THAP8: variants seen among roughly 807,000 people sequenced by gnomAD.
The protein encoded by THAP8 is THAP domain-containing protein 8.
THAP8 carries 24 observed loss-of-function variants against 25.0 expected under a neutral mutation model. That is an observed-to-expected ratio of 0.96 (90% confidence interval 0.69 to 1.35). The LOEUF (loss-of-function observed/expected upper bound fraction) is 1.35. Ranked by LOEUF, THAP8 falls within the 40% of genes most tolerant of loss-of-function variation. THAP8 has a pLI of 0.00. For missense variants in THAP8, 399 were observed against 368.8 expected (o/e 1.08, Z -0.67); for synonymous variants, 169 against 157.6 (o/e 1.07, Z -0.54).
chr19:36,038,973 A>G (rs969180088), intron 3 of THAP8, among the ~76,000 whole-genome samples: 1 of 152,244 alleles, frequency 6.6e-6, no homozygotes, highest in Non-Finnish European at 1.5e-5. Flanking sequence ...TTAAGTATTT[A>G]GTATTAGTAA....
chr19:36,042,021 G>A (rs1043389647), intron 1 of THAP8, among the ~76,000 whole-genome samples: 18 of 151,856 alleles, frequency 1.2e-4, no homozygotes, highest in Admixed American at 2.0e-4. Flanking sequence ...GAATTTGAAC[G>A]CTGCAGTGAG....
intron 3 of THAP8, among the ~76,000 whole-genome samples, chr19:36,038,545 A>AT (rs1969560254): frequency 1.3e-5 from 2 of 152,032 alleles, no homozygotes; most frequent in Non-Finnish European, 2.9e-5. Flanking sequence ...GAGCCACTGC[A>AT]TTTTTTAAAA....
In THAP8 at chr19:36,039,336, C is replaced by A. The variant is rs1326746800; in HGVS notation, c.659G>T (p.Gly220Val). ...GESLLARARRGLQRLTTAQTL... is the reference protein window; with the variant it reads ...GESLLARARRVLQRLTTAQTL... ...GGTGCCACTCACCAGGCGCTGCAGA[C>A]CCCGGCGTGCCCGTGCCAGCAGGCT... is the stretch of plus-strand genomic sequence containing the variant. The change falls in exon 3 of 4, where the codon GGT becomes GTT. Residue 220 changes from glycine to valine, a missense_variant. Transcript: ENST00000292894. The A allele has an allele frequency of 2.6e-6, 4 of 1,510,838 alleles. No individual in the cohort carries two copies. Among genetic ancestry groups the A allele is most frequent in the South Asian group, 1.2e-5 (1 of 80,248 alleles). 93.6% of individuals were successfully genotyped at this position (1,510,838 alleles called of 1,614,324 possible).
In THAP8 at chr19:36,038,987, G is replaced by C. The variant is rs761697391; in HGVS notation, c.672+336C>G. Among the ~76,000 whole-genome samples the C allele has an allele frequency of 2.6e-5, 4 of 152,184 alleles. No individual in the cohort carries two copies. The South Asian group carries it at 6.2e-4, about 24-fold the overall frequency. On this transcript the variant is annotated intron_variant, in intron 3 of 3. Coordinates refer to ENST00000292894, the MANE Select transcript of THAP8 (RefSeq NM_152658.3). ...ATTAAGTATTTAGTATTAGTAAATG[G>C]AGCAATCATTACTCAGCTCCAACCA...
At chr19:36,045,003 C>CT (rs1969825709) in intron 1 of THAP8, among the ~76,000 whole-genome samples, 2 of 152,350 alleles carry the variant, frequency 1.3e-5, no homozygotes, top group East Asian at 3.9e-4. Flanking sequence ...ACTATCTCAG[C>CT]TTTTAGTCAT....
upstream of THAP8, chr19:36,054,399 A>G (rs781101725): frequency 4.1e-4 from 279 of 684,492 alleles, no homozygotes; most frequent in Non-Finnish European, 5.7e-4. Context: ...CCACAGTGCC[A>G]CAGTCCCGCC....
At chr19:36,047,351 G>C (rs770557767) in intron 1 of THAP8, among the ~76,000 whole-genome samples, 15 of 152,138 alleles carry the variant, frequency 9.9e-5, no homozygotes, top group Admixed American at 5.2e-4. Context: ...GCCATTGAAC[G>C]GGGTTTCTGG....
rs144592673 is a variant in THAP8, at chr19:36,043,334, T to C, written c.84-3198A>G. ...AGTCAAATACTGACGATTTCACTTATATGAGGTAGAACAGTCAAATTCCTA... is the reference window on the plus strand; with the variant it reads ...AGTCAAATACTGACGATTTCACTTACATGAGGTAGAACAGTCAAATTCCTA... On this transcript the variant is annotated intron_variant, in intron 1 of 3. Coordinates refer to ENST00000292894, the MANE Select transcript of THAP8 (RefSeq NM_152658.3). Among the ~76,000 whole-genome samples, 92 of 152,256 alleles carry C rather than the reference T, an allele frequency of 6.0e-4. 1 individual carries two copies. In the East Asian group the frequency reaches 0.014, roughly 23 times the overall value.
At chr19:36,042,784 G>A (rs1466959121) in intron 1 of THAP8, among the ~76,000 whole-genome samples, 1 of 152,084 alleles carries the variant, frequency 6.6e-6, no homozygotes, top group Non-Finnish European at 1.5e-5. Context: ...GGGGGAGGGA[G>A]GAGATGCAGT....
At chr19:36,053,104 G>A (rs1013258011) in intron 1 of THAP8, among the ~76,000 whole-genome samples, 4 of 151,624 alleles carry the variant, frequency 2.6e-5, no homozygotes, top group African/African-American at 7.3e-5. Flanking sequence ...TCTCACTCTT[G>A]TTGCCCACGC....
At position 36,035,545 on chromosome 19, in the gene THAP8, G is replaced by C. The variant is rs1328201072; in HGVS notation, c.720C>G (p.Ile240Met). 6.2e-7 allele frequency: 1 copy of C among 1,614,172 alleles called. No individual in the cohort carries two copies. The highest frequency in any genetic ancestry group is 8.5e-7 in the Non-Finnish European group (1 of 1,180,026). ...LGPEESQTFTIICGGPDIAMV... is the reference protein window; with the variant it reads ...LGPEESQTFTMICGGPDIAMV... Reference sequence around the variant, plus strand: ...TGGCTATGTCAGGCCCTCCACAGATGATGGTGAAGGTTTGGGATTCCTCAG... The same window carrying C: ...TGGCTATGTCAGGCCCTCCACAGATCATGGTGAAGGTTTGGGATTCCTCAG... The change falls in exon 4 of 4, where the codon ATC (isoleucine) becomes ATG (methionine). Residue 240 changes from isoleucine (I) to methionine (M), a missense_variant. Transcript: ENST00000292894.
intron 3 of THAP8, among the ~76,000 whole-genome samples, chr19:36,035,865 C>T (rs141734167): frequency 7.6e-4 from 115 of 151,496 alleles, no homozygotes; most frequent in Non-Finnish European, 1.3e-3. Flanking sequence ...GGCAGACAGA[C>T]GTACAGACAG....
chr19:36,038,311 G>C (rs1210902572), intron 3 of THAP8, among the ~76,000 whole-genome samples: 2 of 152,046 alleles, frequency 1.3e-5, no homozygotes, highest in Non-Finnish European at 2.9e-5. Flanking sequence ...ACCCGGGCTA[G>C]AGTGCAGTGG....
Position 36,039,592 on chromosome 19 carries a change from G to A in THAP8, c.403C>T (p.Pro135Ser). ...SGPVRLVVLG[P>S]TSGSPKTVAT... is the part of the protein sequence containing the mutation. ...ACAGTCTTGGGGCTCCCCGATGTGG[G>A]GCCCAGCACCACTAGGCGCACTGGG... The change falls in exon 3 of 4, where the codon CCC (proline) becomes TCC (serine). Residue 135 changes from proline (P) to serine (S), a missense_variant. Physicochemically the swap from Pro to Ser is moderately conservative, Grantham distance 74 (BLOSUM62 -1). Coordinates refer to ENST00000292894, the MANE Select transcript of THAP8 (RefSeq NM_152658.3). 6.6e-7 allele frequency: 1 copy of A among 1,511,608 alleles called. No homozygotes were observed. Among genetic ancestry groups the A allele is most frequent in the Non-Finnish European group, 8.9e-7 (1 of 1,125,598 alleles). 93.6% of individuals were successfully genotyped at this position (1,511,608 alleles called of 1,614,324 possible). A position where few individuals can be genotyped will look rare whatever the true frequency, so the allele number is the denominator to read the frequency against.
At chr19:36,054,305 TCGC>T, upstream of THAP8, 1 of 1,469,854 alleles carries the variant, frequency 6.8e-7, no homozygotes. Context: ...CCACCCGCGC[TCGC>T]CGCCTGCCTC....
At chr19:36,053,775 GA>G (rs1368886395) in intron 1 of THAP8, among the ~76,000 whole-genome samples, 1 of 152,132 alleles carries the variant, frequency 6.6e-6, no homozygotes, top group African/African-American at 2.4e-5. Flanking sequence ...AGGTTTTGGG[GA>G]GACACGATCG....
At chr19:36,044,866 G>T (rs1969820860) in intron 1 of THAP8, among the ~76,000 whole-genome samples, 1 of 151,906 alleles carries the variant, frequency 6.6e-6, no homozygotes, top group South Asian at 2.1e-4. Context: ...CAGGAGAGAG[G>T]GTAAACATAG....
rs200887989 is a variant in THAP8, at chr19:36,049,651, TA to T, written c.83+4483del. 7.2e-4 allele frequency among the ~76,000 whole-genome samples: 100 copies of T among 139,614 alleles called. No individual in the cohort carries two copies. In the East Asian group the frequency reaches 0.021, roughly 29 times the overall value. The allele number at this position is 139,614 out of a possible 152,430, so 91.6% of individuals were successfully genotyped here. A position where few individuals can be genotyped will look rare whatever the true frequency, so the allele number is the denominator to read the frequency against. On this transcript the variant is annotated intron_variant, in intron 1 of 3. Transcript: ENST00000292894. Reference sequence around the variant, plus strand: ...TTTTTATACAGTCATCTGGCTGCTATATACAGTCGTCATCATTTTCCTCCTT... The same window carrying T: ...TTTTTATACAGTCATCTGGCTGCTATTACAGTCGTCATCATTTTCCTCCTT...
chr19:36,035,489 G>C lies in THAP8; in HGVS notation c.776C>G (p.Thr259Arg), dbSNP rs779675630. 2 of 1,614,204 alleles carry C rather than the reference G, an allele frequency of 1.2e-6. No individual in the cohort carries two copies. Among genetic ancestry groups the C allele is most frequent in the South Asian group, 2.2e-5 (2 of 91,080 alleles). The part of the protein sequence containing the change: ...MVLAQDPAPA[T>R]VDAKPELLDT... ...CAGGAGCTCCGGCTTGGCATCCACT[G>C]TGGCAGGTGCAGGGTCCTGGGCAAG... Residue 259 changes from threonine to arginine, a missense_variant, in exon 4 of 4, where the codon ACA becomes AGA. Physicochemically the swap from Thr to Arg is moderately conservative, Grantham distance 71. Transcript: ENST00000292894.
Sources: gnomAD v4.1 joint callset for allele counts (sites outside exome capture counted in the v4.1 genomes callset) on GRCh38, gnomAD v4.1.1 for gene constraint, MANE v1.5 for transcripts, NCBI Gene and HGNC (gene_info 2026-07-23, HGNC 2026-07-21) for gene names.